The following FANK1 variants were observed in gnomAD, a reference collection of about 807,000 sequenced individuals.
FANK1 encodes the protein fibronectin type III and ankyrin repeat domains 1.
In FANK1, 44 loss-of-function variants were observed where a neutral mutation model predicts 45.3. That is an observed-to-expected ratio of 0.97 (90% confidence interval 0.76 to 1.25). The LOEUF (loss-of-function observed/expected upper bound fraction) is 1.25. Ranked by LOEUF, FANK1 falls within the 50% of genes most tolerant of loss-of-function variation. The probability of loss-of-function intolerance (pLI) is 0.00; values close to 1 mark genes in which losing one functional copy is unlikely to be tolerated. For missense variants in FANK1, 391 were observed against 424.4 expected (o/e 0.92, Z 0.69); for synonymous variants, 149 against 152.5 (o/e 0.98, Z 0.17).
At chr10:125,946,556 G>A (rs1465997709) in intron 1 of FANK1, among the ~76,000 whole-genome samples, 1 of 151,552 alleles carries the variant, frequency 6.6e-6, no homozygotes, top group Admixed American at 6.6e-5. Context: ...GAAGTTTAGA[G>A]AAAAAAGAAT....
chr10:125,950,592 A>G (rs1469068605), intron 1 of FANK1, among the ~76,000 whole-genome samples: 2 of 152,088 alleles, frequency 1.3e-5, no homozygotes, highest in African/African-American at 4.8e-5. Context: ...AGTTAGAGAC[A>G]ACAGGTGCTG....
chr10:125,933,158 T>C (rs149925414), intron 1 of FANK1, among the ~76,000 whole-genome samples: 2,708 of 152,264 alleles, frequency 0.018, 83 homozygotes, highest in African/African-American at 0.062. Flanking sequence ...GGTCTGTAGT[T>C]TTCTTTTCTG....
intron 1 of FANK1, among the ~76,000 whole-genome samples, chr10:125,945,834 C>A (rs1173009827): frequency 6.6e-6 from 1 of 152,248 alleles, no homozygotes; most frequent in Non-Finnish European, 1.5e-5. Flanking sequence ...GTAACCTCTG[C>A]AGGCTTAAGT....
At chr10:125,929,941 T>C (rs1410779804) in intron 1 of FANK1, among the ~76,000 whole-genome samples, 1 of 152,200 alleles carries the variant, frequency 6.6e-6, no homozygotes, top group Non-Finnish European at 1.5e-5. Context: ...ATAGCTGAAG[T>C]GTGAATTGGC....
chr10:125,940,504 G>A lies in FANK1; in HGVS notation c.14-39657G>A, dbSNP rs576877002. Among the ~76,000 whole-genome samples the A allele has an allele frequency of 1.5e-4, 23 of 152,222 alleles. 1 individual carries two copies. In the South Asian group the frequency reaches 4.1e-3, roughly 27 times the overall value. On this transcript the variant is annotated intron_variant, in intron 1 of 10. Transcript: ENST00000368693. ...CATATCTCGCCTCCAGCCACAGGGC[G>A]GTTTTCTCCTATCTCAGAATAGAAC...
At chr10:125,964,186 C>CTTTTTTTTT (rs71486557) in intron 1 of FANK1, among the ~76,000 whole-genome samples, 8 of 78,430 alleles carry the variant, frequency 1.0e-4, no homozygotes, top group Non-Finnish European at 1.1e-4. Context: ...TTCTCTCTCT[C>CTTTTTTTTT]TTTTTTTTTT....
chr10:125,931,462 C>T lies in FANK1; in HGVS notation c.13+34807C>T, dbSNP rs138872946. On this transcript the variant is annotated intron_variant, in intron 1 of 10. Coordinates refer to ENST00000368693, the MANE Select transcript of FANK1 (RefSeq NM_145235.5). ...TGGTTTTGATCTGCATTTCCCTGAT[C>T]GTTAGTGATGTTGGGCATTTTTTCA... Among the ~76,000 whole-genome samples, 705 of 152,188 alleles carry T rather than the reference C, an allele frequency of 4.6e-3. 3 individuals carry two copies. Among genetic ancestry groups the T allele is most frequent in the African/African-American group, 0.016 (648 of 41,536 alleles).
intron 6 of FANK1, 132 bp from the exon 7 acceptor site, chr10:126,004,752 T>C: frequency 1.2e-6 from 1 of 831,310 alleles, no homozygotes; most frequent in South Asian, 1.7e-5. Flanking sequence ...ACGTGTACGT[T>C]TTATATGAAC....
At position 126,009,557 on chromosome 10, in the gene FANK1, C is replaced by T; in HGVS notation, c.*119C>T. The T allele has an allele frequency of 2.0e-6, 2 of 1,019,236 alleles. No individual in the cohort carries two copies. Among genetic ancestry groups the T allele is most frequent in the Middle Eastern group, 2.9e-4 (1 of 3,438 alleles). The allele number at this position is 1,019,236 out of a possible 1,614,324, so 63.1% of individuals were successfully genotyped here. On this transcript the variant is annotated 3_prime_UTR_variant, in exon 11 of 11. Transcript: ENST00000368693. The stretch of plus-strand genomic sequence containing the variant: ...ACATTTATTTATTTAGTTGAAGATT[C>T]ACTGATCCCACTTTGAAATACATCT...
At chr10:125,978,577 C>T (rs1253155325) in intron 1 of FANK1, among the ~76,000 whole-genome samples, 1 of 152,132 alleles carries the variant, frequency 6.6e-6, no homozygotes, top group African/African-American at 2.4e-5. Flanking sequence ...GGGATAGGTA[C>T]CTGCTTAAAG....
At chr10:125,952,374 C>G (rs1564907280) in intron 1 of FANK1, among the ~76,000 whole-genome samples, 2 of 152,068 alleles carry the variant, frequency 1.3e-5, no homozygotes, top group African/African-American at 4.8e-5. Flanking sequence ...GGTTTAGATG[C>G]CAATCCTGCC....
intron 3 of FANK1, among the ~76,000 whole-genome samples, chr10:125,991,250 G>GGTGTGTGTGTGTGTGT (rs113257579): frequency 0.14 from 20,111 of 145,604 alleles, 1,657 homozygotes; most frequent in East Asian, 0.21. Context: ...GGTGACCAGG[G>GGTGTGTGTGTGTGTGT]GTGTGTGTGT....
rs146197587 is a variant in FANK1 at position 125,991,168 on chromosome 10, G to A, written c.316+2493G>A. 1.1e-4 allele frequency among the ~76,000 whole-genome samples: 17 copies of A among 152,248 alleles called. No individual in the cohort carries two copies. The East Asian group carries it at 2.5e-3, about 22-fold the overall frequency. ...GGCAGCCATGGAGAGTTGGTGCAGC[G>A]CATTTGTCCTTACAGCGCCATGGCT... is the stretch of plus-strand genomic sequence containing the variant. On this transcript the variant is annotated intron_variant, in intron 3 of 10. Coordinates refer to ENST00000368693, the MANE Select transcript of FANK1 (RefSeq NM_145235.5).
At chr10:125,958,850 G>T (rs1357774381) in intron 1 of FANK1, among the ~76,000 whole-genome samples, 2 of 152,128 alleles carry the variant, frequency 1.3e-5, no homozygotes, top group Non-Finnish European at 2.9e-5. Flanking sequence ...ACAAACAAAT[G>T]GAAAGACATC....
intron 3 of FANK1, among the ~76,000 whole-genome samples, chr10:125,991,454 A>C (rs1411586519): frequency 2.6e-5 from 4 of 152,084 alleles, no homozygotes; most frequent in African/African-American, 9.7e-5. Context: ...CCCTTATGCT[A>C]TTGTGTTATA....
chr10:125,939,889 G>A (rs1320939593), intron 1 of FANK1, among the ~76,000 whole-genome samples: 2 of 151,460 alleles, frequency 1.3e-5, no homozygotes, highest in Admixed American at 1.3e-4. Context: ...ATTAAAGACA[G>A]GGTCAATAAA....
At chr10:125,911,950 G>T (rs1946049097) in intron 1 of FANK1, among the ~76,000 whole-genome samples, 1 of 152,140 alleles carries the variant, frequency 6.6e-6, no homozygotes, top group Non-Finnish European at 1.5e-5. Flanking sequence ...GATAGTTAGA[G>T]GGGAAAAAAT....
At chr10:125,971,372 T>A (rs1017877333) in intron 1 of FANK1, among the ~76,000 whole-genome samples, 1 of 151,942 alleles carries the variant, frequency 6.6e-6, no homozygotes, top group Non-Finnish European at 1.5e-5. Context: ...TTTCCTGGAC[T>A]GGGCTCCTGA....
intron 1 of FANK1, chr10:125,960,125 C>T (rs1949827023): frequency 6.1e-6 from 1 of 162,886 alleles, no homozygotes; most frequent in African/African-American, 2.4e-5. Flanking sequence ...AAAGCCTTCT[C>T]TTGAGGCTTG....
Sources: allele counts gnomAD v4.1 joint callset (sites outside exome capture counted in the v4.1 genomes callset), GRCh38; gene constraint gnomAD v4.1.1; transcripts MANE v1.5; gene names NCBI Gene and HGNC (gene_info 2026-07-23, HGNC 2026-07-21).